The following MCTP2 variants were observed in gnomAD, a reference collection of about 807,000 sequenced individuals.
The protein encoded by MCTP2 is multiple C2 and transmembrane domain-containing protein 2.
In MCTP2, 132 loss-of-function variants were observed where a neutral mutation model predicts 111.6. The ratio of observed to expected loss-of-function variants is 1.18; its 90% CI spans 1.03 to 1.37. MCTP2 has a LOEUF of 1.37. MCTP2 is among the 40% of genes most tolerant of loss of function. MCTP2 has a pLI of 0.00. For missense variants in MCTP2, 1,183 were observed against 1,067.9 expected (o/e 1.11, Z -1.50); for synonymous variants, 395 against 387.7 (o/e 1.02, Z -0.22).
chr15:94,456,282 C>T (rs1169677689), intron 19 of MCTP2, among the ~76,000 whole-genome samples: 1 of 152,148 alleles, frequency 6.6e-6, no homozygotes, highest in Admixed American at 6.5e-5. Flanking sequence ...CTAACTCATG[C>T]TTTCTTCACA....
chr15:94,401,930 A>AT lies in MCTP2; in HGVS notation c.1996_1997insT (p.Arg666MetfsTer14). The AT allele has an allele frequency of 2.5e-6, 4 of 1,612,912 alleles. No homozygotes were observed. The highest frequency in any genetic ancestry group is 3.4e-6 in the Non-Finnish European group (4 of 1,179,222). On this transcript the variant is annotated frameshift_variant, in exon 17 of 23. Transcript: ENST00000357742. LOFTEE classifies it high-confidence loss of function. ...ATCAAGAGATGTGGACCGTGTGAAA[A>AT]GAATCACTATGGCAATATGGAATAC... is the stretch of plus-strand genomic sequence containing the variant.
chr15:94,255,867 G>A (rs1050080151), intron 1 of MCTP2, among the ~76,000 whole-genome samples: 1 of 152,160 alleles, frequency 6.6e-6, no homozygotes, highest in African/African-American at 2.4e-5. Flanking sequence ...TAGCAACTAT[G>A]GAATGCTCTT....
intron 10 of MCTP2, among the ~76,000 whole-genome samples, chr15:94,362,364 A>G (rs1489252910): frequency 6.6e-6 from 1 of 152,174 alleles, no homozygotes; most frequent in African/African-American, 2.4e-5. Flanking sequence ...AGATTAACTC[A>G]TTATAGAATT....
intron 14 of MCTP2, among the ~76,000 whole-genome samples, chr15:94,398,377 A>T (rs1429527312): frequency 6.6e-6 from 1 of 152,232 alleles, no homozygotes; most frequent in African/African-American, 2.4e-5. Context: ...TTCCCCATAC[A>T]TACCTTATCC....
In MCTP2 at chr15:94,358,626, G is replaced by T; in HGVS notation, c.1301+14G>T. 1 of 1,612,772 alleles carries T rather than the reference G, an allele frequency of 6.2e-7. No homozygotes were observed. Among genetic ancestry groups the T allele is most frequent in the Admixed American group, 1.7e-5 (1 of 59,924 alleles). On this transcript the variant is annotated intron_variant, in intron 10 of 22. Transcript: ENST00000357742. ...ACGTCTGGGCACGTGAGTCCCCTCT[G>T]CTTTCCAGTGGCGGGAGCATGTTTC...
rs1424830379 is a variant in MCTP2 at position 94,245,515 on chromosome 15, TATGTATATATTTATATACATAC to T, written c.-66+13869_-66+13890del. 1.3e-4 allele frequency among the ~76,000 whole-genome samples: 19 copies of T among 142,426 alleles called. No individual in the cohort carries two copies. In the South Asian group the frequency reaches 2.8e-3, roughly 21 times the overall value. 93.4% of individuals were successfully genotyped at this position (142,426 alleles called of 152,430 possible). On this transcript the variant is annotated intron_variant, in intron 1 of 22. Transcript: ENST00000357742. ...GTATGTATTTATATATGTATACATA[TATGTATATATTTATATACATAC>T]ATGTATATATTTATATATGTATACA...
intron 1 of MCTP2, among the ~76,000 whole-genome samples, chr15:94,245,204 A>G (rs532842520): frequency 3.5e-4 from 48 of 137,576 alleles, no homozygotes; most frequent in African/African-American, 1.1e-3. Context: ...GTATGTATAT[A>G]TTTATACATA....
chr15:94,311,810 A>T (rs2076156375), intron 2 of MCTP2, among the ~76,000 whole-genome samples: 1 of 152,224 alleles, frequency 6.6e-6, no homozygotes, highest in African/African-American at 2.4e-5. Flanking sequence ...ATAACATGTA[A>T]ATGATGGTGG....
At chr15:94,313,133 G>A (rs967396274) in intron 2 of MCTP2, among the ~76,000 whole-genome samples, 5 of 152,092 alleles carry the variant, frequency 3.3e-5, no homozygotes, top group African/African-American at 9.7e-5. Context: ...TTTCATTGAC[G>A]CAATCAGTCC....
intron 14 of MCTP2, among the ~76,000 whole-genome samples, chr15:94,396,418 T>C (rs969195754): frequency 6.6e-6 from 1 of 152,092 alleles, no homozygotes; most frequent in Admixed American, 6.5e-5. Context: ...ATATAAATAA[T>C]AAATTTTGTT....
intron 1 of MCTP2, among the ~76,000 whole-genome samples, chr15:94,266,911 A>C (rs1197652101): frequency 1.3e-5 from 2 of 152,230 alleles, no homozygotes; most frequent in East Asian, 3.8e-4. Flanking sequence ...CTTGGAAGAC[A>C]TTTAAGAGTG....
At chr15:94,377,473 T>C (rs2079841653) in intron 12 of MCTP2, among the ~76,000 whole-genome samples, 2 of 152,204 alleles carry the variant, frequency 1.3e-5, no homozygotes, top group Non-Finnish European at 2.9e-5. Flanking sequence ...TGGGAGTATA[T>C]GGATGACTTA....
chr15:94,272,964 A>G (rs565673411), intron 1 of MCTP2, among the ~76,000 whole-genome samples: 1 of 152,332 alleles, frequency 6.6e-6, no homozygotes, highest in African/African-American at 2.4e-5. Context: ...TCATGTGTCC[A>G]GCTGCCAATG....
At chr15:94,431,854 T>A (rs2083200120) in intron 17 of MCTP2, among the ~76,000 whole-genome samples, 1 of 152,216 alleles carries the variant, frequency 6.6e-6, no homozygotes. Flanking sequence ...AGATACACTG[T>A]TTCAAATATC....
At position 94,406,347 on chromosome 15, in the gene MCTP2, T is replaced by G. The variant is rs188566906; in HGVS notation, c.2085+4328T>G. 2.4e-3 allele frequency among the ~76,000 whole-genome samples: 358 copies of G among 152,288 alleles called. 1 individual carries two copies. The highest frequency in any genetic ancestry group is 4.0e-3 in the Admixed American group (61 of 15,298). On this transcript the variant is annotated intron_variant, in intron 17 of 22. Transcript: ENST00000357742. ...GAATTGAAACCCAGGCCATCTTGCT[T>G]TAGTCTGTGCAGGCTTAACCCTTCA... is the stretch of plus-strand genomic sequence containing the variant.
intron 19 of MCTP2, among the ~76,000 whole-genome samples, chr15:94,455,872 C>T (rs2084803325): frequency 6.6e-6 from 1 of 152,128 alleles, no homozygotes; most frequent in Non-Finnish European, 1.5e-5. Context: ...GAAAAGTAAT[C>T]CTGACATCGG....
rs761053094 is a variant in MCTP2 at position 94,311,016 on chromosome 15, C to CTT, written c.466-3247_466-3246dup. Among the ~76,000 whole-genome samples the CTT allele has an allele frequency of 3.2e-3, 415 of 127,946 alleles. 9 individuals carry two copies. Among genetic ancestry groups the CTT allele is most frequent in the African/African-American group, 0.011 (375 of 33,156 alleles). 83.9% of individuals were successfully genotyped at this position (127,946 alleles called of 152,430 possible). A position where few individuals can be genotyped will look rare whatever the true frequency, so the allele number is the denominator to read the frequency against. ...TTGGTTACATTTATTGGGAACTTTC[C>CTT]TTTTTTTTTTTTTTTTTTTTATTTT... On this transcript the variant is annotated intron_variant, in intron 2 of 22. Coordinates refer to ENST00000357742, the MANE Select transcript of MCTP2 (RefSeq NM_001385001.1).
intron 12 of MCTP2, among the ~76,000 whole-genome samples, chr15:94,377,751 G>C (rs1596515024): frequency 6.6e-6 from 1 of 152,160 alleles, no homozygotes; most frequent in East Asian, 1.9e-4. Context: ...CTAAGGTCAA[G>C]AACGTGGTGT....
intron 1 of MCTP2, among the ~76,000 whole-genome samples, chr15:94,242,010 G>A (rs2071003056): frequency 6.6e-6 from 1 of 152,170 alleles, no homozygotes; most frequent in Non-Finnish European, 1.5e-5. Context: ...TTGTTGAAAT[G>A]ATTAAGGAGA....
Sources: gnomAD v4.1 joint callset for allele counts (sites outside exome capture counted in the v4.1 genomes callset) on GRCh38, gnomAD v4.1.1 for gene constraint, MANE v1.5 for transcripts, NCBI Gene and HGNC (gene_info 2026-07-23, HGNC 2026-07-21) for gene names.